The following DACH1 variants were observed in gnomAD, a reference collection of about 807,000 sequenced individuals.
DACH1 encodes dachshund family transcription factor 1, also known as dachshund homolog 1.
In DACH1, 12 loss-of-function variants were observed where a neutral mutation model predicts 54.2. That is an observed-to-expected ratio of 0.22 (90% confidence interval 0.14 to 0.36). DACH1 has a LOEUF of 0.36. Ranked by LOEUF, DACH1 falls within the 10% of genes least tolerant of loss-of-function variation. The probability of loss-of-function intolerance (pLI) is 1.00; values close to 1 mark genes in which losing one functional copy is unlikely to be tolerated. For synonymous variants in DACH1, 386 were observed against 366.2 expected (o/e 1.05, Z -0.62); for missense variants, 805 against 929.8 (o/e 0.87, Z 1.75).
In DACH1 at chr13:71,769,166, T is replaced by C. The variant is rs533916441; in HGVS notation, c.849-87256A>G. Reference sequence around the variant, plus strand: ...CCAGATGACATGATTCATTTGAGTATACAGCATCTGTGAAAGATGTCCTAA... The same window carrying C: ...CCAGATGACATGATTCATTTGAGTACACAGCATCTGTGAAAGATGTCCTAA... On this transcript the variant is annotated intron_variant, in intron 1 of 10. Transcript: ENST00000613252. Among the ~76,000 whole-genome samples the C allele has an allele frequency of 3.9e-5, 6 of 151,914 alleles. No individual in the cohort carries two copies. In the South Asian group the frequency reaches 1.2e-3, roughly 31 times the overall value.
intron 1 of DACH1, among the ~76,000 whole-genome samples, chr13:71,806,912 T>C (rs964750530): frequency 4.6e-5 from 7 of 152,212 alleles, no homozygotes; most frequent in African/African-American, 1.7e-4. Flanking sequence ...CAACCGATTA[T>C]GAATCTAAAA....
At chr13:71,512,599 C>T (rs558388075) in intron 6 of DACH1, among the ~76,000 whole-genome samples, 8 of 151,840 alleles carry the variant, frequency 5.3e-5, no homozygotes, top group Non-Finnish European at 1.0e-4. Context: ...TAATTTTGGC[C>T]TTTAATAAAC....
Position 71,836,999 on chromosome 13 carries a change from TATACACACACACACAC to T in DACH1, c.848+28907_848+28922del, listed in dbSNP as rs891361416. Among the ~76,000 whole-genome samples, 4 of 151,560 alleles carry T rather than the reference TATACACACACACACAC, an allele frequency of 2.6e-5. No homozygotes were observed. In the South Asian group the frequency reaches 6.3e-4, roughly 24 times the overall value. On this transcript the variant is annotated intron_variant, in intron 1 of 10. Coordinates refer to ENST00000613252, the MANE Select transcript of DACH1 (RefSeq NM_080759.6). ...AGATAAAATGTAGTTTTCATCACTTTATACACACACACACACATACACACACACAATTCTGAGGCCT... is the reference window on the plus strand; with the variant it reads ...AGATAAAATGTAGTTTTCATCACTTTATACACACACACAATTCTGAGGCCT...
At chr13:71,786,220 T>C (rs1886585611) in intron 1 of DACH1, among the ~76,000 whole-genome samples, 2 of 152,302 alleles carry the variant, frequency 1.3e-5, no homozygotes, top group African/African-American at 4.8e-5. Context: ...AAAATACAAT[T>C]AGCTTATGCA....
At chr13:71,447,873 A>C (rs1874614266) in intron 10 of DACH1, among the ~76,000 whole-genome samples, 1 of 152,148 alleles carries the variant, frequency 6.6e-6, no homozygotes. Flanking sequence ...GATGACATAT[A>C]AATTAATACA....
intron 5 of DACH1, among the ~76,000 whole-genome samples, chr13:71,557,842 TAAA>T (rs569104411): frequency 1.6e-4 from 14 of 87,984 alleles, no homozygotes; most frequent in African/African-American, 1.3e-4. Context: ...TGGCCTGTAC[TAAA>T]AAAAAAAAAA....
intron 4 of DACH1, among the ~76,000 whole-genome samples, chr13:71,569,090 C>T (rs1885052614): frequency 6.6e-6 from 1 of 152,018 alleles, no homozygotes; most frequent in Admixed American, 6.6e-5. Context: ...AATAACAATG[C>T]CATAGTGGGA....
intron 6 of DACH1, among the ~76,000 whole-genome samples, chr13:71,490,789 A>C (rs1337489120): frequency 1.3e-5 from 2 of 152,194 alleles, no homozygotes; most frequent in Non-Finnish European, 2.9e-5. Flanking sequence ...TGTTAAACAT[A>C]TATGTGCATG....
intron 10 of DACH1, among the ~76,000 whole-genome samples, chr13:71,460,006 C>T (rs1221314250): frequency 6.6e-6 from 1 of 151,964 alleles, no homozygotes; most frequent in Non-Finnish European, 1.5e-5. Flanking sequence ...TGAGAATTCA[C>T]AGCCCTTCTA....
chr13:71,636,098 T>C (rs1443535268), intron 2 of DACH1, among the ~76,000 whole-genome samples: 1 of 152,104 alleles, frequency 6.6e-6, no homozygotes, highest in African/African-American at 2.4e-5. Flanking sequence ...TTTACATTTT[T>C]TCATTCAAGC....
Position 71,789,650 on chromosome 13 carries a change from C to A in DACH1, c.848+76272G>T, listed in dbSNP as rs541509006. 6.9e-3 allele frequency among the ~76,000 whole-genome samples: 1,050 copies of A among 152,144 alleles called. 10 individuals carry two copies. The highest frequency in any genetic ancestry group is 0.012 in the Non-Finnish European group (833 of 67,984). On this transcript the variant is annotated intron_variant, in intron 1 of 10. Coordinates refer to ENST00000613252, the MANE Select transcript of DACH1 (RefSeq NM_080759.6). ...CTGTTGCACACTACACGCTAAAGGG[C>A]ATTTTAACCCATTAGTGGGGTTTTC...
intron 2 of DACH1, among the ~76,000 whole-genome samples, chr13:71,671,302 A>C (rs961088379): frequency 6.6e-6 from 1 of 152,016 alleles, no homozygotes; most frequent in Non-Finnish European, 1.5e-5. Flanking sequence ...GGAAAAAAAA[A>C]AGTATCCGTT....
At chr13:71,518,332 C>T (rs554339166) in intron 6 of DACH1, among the ~76,000 whole-genome samples, 1 of 151,622 alleles carries the variant, frequency 6.6e-6, no homozygotes, top group African/African-American at 2.4e-5. Context: ...AGAGAGGCCT[C>T]AGCACAAACC....
chr13:71,537,195 C>T (rs1164826702), intron 6 of DACH1, among the ~76,000 whole-genome samples: 3 of 152,000 alleles, frequency 2.0e-5, no homozygotes, highest in Non-Finnish European at 4.4e-5. Context: ...GCCTGCTGGT[C>T]TCTTTGCCTA....
chr13:71,711,792 TGATAA>T (rs1346132682), intron 1 of DACH1, among the ~76,000 whole-genome samples: 1 of 152,128 alleles, frequency 6.6e-6, no homozygotes, highest in Non-Finnish European at 1.5e-5. Context: ...ATAAATGATA[TGATAA>T]AAGTCACATG....
chr13:71,542,389 T>C (rs1055604210), intron 6 of DACH1, among the ~76,000 whole-genome samples: 1 of 152,120 alleles, frequency 6.6e-6, no homozygotes, highest in African/African-American at 2.4e-5. Context: ...TATGAAAATA[T>C]AACTTATTCC....
chr13:71,690,154 CAG>C (rs1180621708), intron 1 of DACH1, among the ~76,000 whole-genome samples: 3 of 152,212 alleles, frequency 2.0e-5, no homozygotes, highest in African/African-American at 7.2e-5. Context: ...ATGCATCAAA[CAG>C]ATTACTTTCC....
At position 71,525,360 on chromosome 13, in the gene DACH1, A is replaced by C. The variant is rs879624838; in HGVS notation, c.1570+31664T>G. Among the ~76,000 whole-genome samples, 97 of 152,302 alleles carry C rather than the reference A, an allele frequency of 6.4e-4. 1 individual carries two copies. Among genetic ancestry groups the C allele is most frequent in the African/African-American group, 2.3e-3 (97 of 41,574 alleles). On this transcript the variant is annotated intron_variant, in intron 6 of 10. Coordinates refer to ENST00000613252, the MANE Select transcript of DACH1 (RefSeq NM_080759.6). The stretch of plus-strand genomic sequence containing the variant: ...GAATCAAAGAAATCTTTTTTAAAAA[A>C]ATCCCACTGACATTTCTTTTTGTGA...
chr13:71,555,425 CCT>C (rs1884180056), intron 6 of DACH1, among the ~76,000 whole-genome samples: 1 of 151,826 alleles, frequency 6.6e-6, no homozygotes, highest in Non-Finnish European at 1.5e-5. Context: ...CTTACTGCAA[CCT>C]CTGCCTCCAG....
Sources: gnomAD v4.1 joint callset for allele counts (sites outside exome capture counted in the v4.1 genomes callset) on GRCh38, gnomAD v4.1.1 for gene constraint, MANE v1.5 for transcripts, NCBI Gene and HGNC (gene_info 2026-07-23, HGNC 2026-07-21) for gene names.